The following EPG5 variants were observed in gnomAD, a reference collection of about 807,000 sequenced individuals.
EPG5 encodes ectopic P-granules 5 autophagy tethering factor, also known as ectopic P granules protein 5 homolog.
A neutral mutation model predicts 302.7 loss-of-function variants in EPG5; 159 were observed. The observed-to-expected ratio is 0.53, with a 90% CI of 0.46 to 0.60. EPG5 has a LOEUF of 0.60. EPG5 is among the 20% of genes least tolerant of loss of function. The probability of loss-of-function intolerance (pLI) is 0.00; values close to 1 mark genes in which losing one functional copy is unlikely to be tolerated. For missense variants in EPG5, 2,896 were observed against 3,092.4 expected (o/e 0.94, Z 1.51); for synonymous variants, 1,158 against 1,136.8 (o/e 1.02, Z -0.37).
intron 39 of EPG5, among the ~76,000 whole-genome samples, chr18:45,862,387 A>G (rs964289087): frequency 6.6e-6 from 1 of 152,178 alleles, no homozygotes; most frequent in Non-Finnish European, 1.5e-5. Flanking sequence ...AAAGTCTATG[A>G]TGAGCACTTA....
At chr18:45,812,375 T>A in the EPG5 span, among the ~76,000 whole-genome samples, 11 of 152,168 alleles carry the variant, frequency 7.2e-5, no homozygotes, top group Non-Finnish European at 1.5e-4. Flanking sequence ...GCCATCCCCA[T>A]CAAGCTACCA....
At chr18:45,823,659 T>A in the EPG5 span, among the ~76,000 whole-genome samples, 1 of 152,240 alleles carries the variant, frequency 6.6e-6, no homozygotes, top group East Asian at 1.9e-4. Context: ...CTAATTGATT[T>A]ATCTAACTGC....
chr18:45,871,194 A>T (rs945914999), intron 35 of EPG5, among the ~76,000 whole-genome samples: 2 of 152,198 alleles, frequency 1.3e-5, no homozygotes, highest in East Asian at 1.9e-4. Context: ...AGCATCACTG[A>T]TCATTAGAGA....
intron 7 of EPG5, among the ~76,000 whole-genome samples, chr18:45,944,703 C>T (rs779159339): frequency 5.9e-5 from 9 of 151,634 alleles, no homozygotes; most frequent in Non-Finnish European, 1.0e-4. Flanking sequence ...TGCAGTGAGC[C>T]GAGATCACAC....
At chr18:45,858,844 G>T in intron 40 of EPG5, 62 bp from the exon 41 acceptor site, 1 of 1,260,426 alleles carries the variant, frequency 7.9e-7, no homozygotes, top group Non-Finnish European at 1.1e-6. Context: ...GACAACTCTA[G>T]CAAATATTTT....
At position 45,870,714 on chromosome 18, in the gene EPG5, G is replaced by T. The variant is rs368663653; in HGVS notation, c.6078C>A (p.Ala2026=). 1.4e-4 allele frequency: 221 copies of T among 1,610,528 alleles called. 1 individual carries two copies. Among genetic ancestry groups the T allele is most frequent in the Middle Eastern group, 1.7e-4 (1 of 6,050 alleles). ...KDKLLPGDAG[A]LWLHLMHYCE... ...AATAATGCATCAGGTGCAACCAAAGGGCTCCTGCATCACCTGGCAACAGCT... is the reference window on the plus strand; with the variant it reads ...AATAATGCATCAGGTGCAACCAAAGTGCTCCTGCATCACCTGGCAACAGCT... Residue 2026 remains alanine, a synonymous_variant, in exon 36 of 44, where the codon GCC becomes GCA. Transcript: ENST00000282041.
At chr18:45,908,138 C>G (rs1382821633) in intron 23 of EPG5, 57 bp from the exon 24 acceptor site, 13 of 1,348,468 alleles carry the variant, frequency 9.6e-6, no homozygotes, top group Non-Finnish European at 1.3e-5. Flanking sequence ...ACAAACAAAG[C>G]TTCTTACATC....
the EPG5 span, among the ~76,000 whole-genome samples, chr18:45,826,804 C>T: frequency 2.0e-5 from 3 of 152,170 alleles, no homozygotes; most frequent in African/African-American, 4.8e-5. Context: ...GAGTCCAGCT[C>T]GGGGCTGGTT....
the EPG5 span, chr18:45,829,266 T>TA: frequency 1.7e-6 from 1 of 581,240 alleles, no homozygotes; most frequent in Non-Finnish European, 2.2e-6. Flanking sequence ...CTGAAGCAGA[T>TA]AGAGACCAGC....
In EPG5 at chr18:45,922,004, T is replaced by C. The variant is rs1054920757; in HGVS notation, c.3098+337A>G. 2.0e-5 allele frequency among the ~76,000 whole-genome samples: 3 copies of C among 150,810 alleles called. No homozygotes were observed. The East Asian group carries it at 5.8e-4, about 29-fold the overall frequency. The stretch of plus-strand genomic sequence containing the variant: ...AAAGCCTGAGTTGGGCTACGATCAA[T>C]TTTTCAAAAATTTTACTACAGGTGA... On this transcript the variant is annotated intron_variant, in intron 16 of 43. Coordinates refer to ENST00000282041, the MANE Select transcript of EPG5 (RefSeq NM_020964.3).
At chr18:45,822,369 C>T in the EPG5 span, among the ~76,000 whole-genome samples, 1 of 151,914 alleles carries the variant, frequency 6.6e-6, no homozygotes, top group African/African-American at 2.4e-5. Context: ...AAAAGTAGAA[C>T]AGAGGATACC....
At chr18:45,915,711 C>G in intron 19 of EPG5, 90 bp from the exon 20 acceptor site, 1 of 957,592 alleles carries the variant, frequency 1.0e-6, no homozygotes, top group Non-Finnish European at 1.6e-6. Flanking sequence ...TGTCTTACTA[C>G]AATACAAGAT....
intron 15 of EPG5, 124 bp downstream of exon 15, chr18:45,923,144 T>A: frequency 9.5e-7 from 1 of 1,054,520 alleles, no homozygotes; most frequent in Non-Finnish European, 1.3e-6. Flanking sequence ...AATTATAACA[T>A]CTTAAATTGC....
At chr18:45,809,623 T>C in the EPG5 span, among the ~76,000 whole-genome samples, 2 of 152,202 alleles carry the variant, frequency 1.3e-5, no homozygotes, top group Admixed American at 6.5e-5. Context: ...TGAATGATCA[T>C]TGGGTCAGAA....
Position 45,884,641 on chromosome 18 carries a change from A to G in EPG5, c.5280T>C (p.Asp1760=). The G allele has an allele frequency of 6.2e-7, 1 of 1,605,748 alleles. No homozygotes were observed. The highest frequency in any genetic ancestry group is 1.3e-5 in the African/African-American group (1 of 74,324). The change falls in exon 30 of 44, where the codon GAT becomes GAC. Residue 1760 remains aspartate, a synonymous_variant. Coordinates refer to ENST00000282041, the MANE Select transcript of EPG5 (RefSeq NM_020964.3). The part of the protein sequence containing the change: ...VVKFLSEDNS[D]MIFMLLTKFD... The stretch of plus-strand genomic sequence containing the variant: ...CCTTGGTTAGCAGCATGAAAATCAT[A>G]TCACTGTTGTCCTCACTTAGAAACT...
the EPG5 span, among the ~76,000 whole-genome samples, chr18:45,823,117 C>T: frequency 6.6e-6 from 1 of 152,062 alleles, no homozygotes; most frequent in Non-Finnish European, 1.5e-5. Context: ...GGAGAGGTGA[C>T]CATGGGAATG....
chr18:45,910,902 T>A (rs1333781219), intron 22 of EPG5, among the ~76,000 whole-genome samples, 160 bp from the exon 23 acceptor site: 1 of 152,146 alleles, frequency 6.6e-6, no homozygotes, highest in East Asian at 1.9e-4. Flanking sequence ...ATTTTGATGG[T>A]CCAACAAGAT....
At chr18:45,929,889 A>C (rs1467193334) in intron 12 of EPG5, among the ~76,000 whole-genome samples, 1 of 152,244 alleles carries the variant, frequency 6.6e-6, no homozygotes, top group African/African-American at 2.4e-5. Flanking sequence ...CTCAAACTGG[A>C]TTATTAGGGG....
At position 45,887,896 on chromosome 18, in the gene EPG5, T is replaced by A; in HGVS notation, c.4964A>T (p.Asn1655Ile). ...AGGTGTAGGCTGCAACTTGTAGGCA[T>A]TCACTAAGGCCCTGTGGGAAAATGT... Reference protein sequence around the residue: ...HAENLITALVNAYKLQPTPGI... With the variant: ...HAENLITALVIAYKLQPTPGI... Residue 1655 changes from asparagine (N) to isoleucine (I), a missense_variant, in exon 29 of 44, where the codon AAT (asparagine) becomes ATT (isoleucine). Around this residue, in one of 5 missense-constraint regions of EPG5, gnomAD observed 790 missense variants for 798.0 expected, o/e 0.99. Transcript: ENST00000282041. 1 of 1,577,288 alleles carries A rather than the reference T, an allele frequency of 6.3e-7. No individual in the cohort carries two copies. Among genetic ancestry groups the A allele is most frequent in the Non-Finnish European group, 8.7e-7 (1 of 1,153,318 alleles).
Sources: allele counts gnomAD v4.1 joint callset (sites outside exome capture counted in the v4.1 genomes callset), GRCh38; gene constraint gnomAD v4.1.1; regional missense constraint gnomAD v4.1.1; transcripts MANE v1.5; gene names NCBI Gene and HGNC (gene_info 2026-07-23, HGNC 2026-07-21).